Variants in NOSIP observed in about 807,000 individuals in gnomAD.
NOSIP encodes nitric oxide synthase interacting protein, also known as nitric oxide synthase-interacting protein.
A neutral mutation model predicts 36.4 loss-of-function variants in NOSIP; 25 were observed. The observed-to-expected ratio is 0.69, with a 90% CI of 0.50 to 0.96. NOSIP has a LOEUF of 0.96. Ranked by LOEUF, NOSIP falls within the 40% of genes least tolerant of loss-of-function variation. NOSIP has a pLI of 0.00. For synonymous variants in NOSIP, 187 were observed against 179.2 expected, an observed-to-expected ratio of 1.04 and a Z score of -0.35; for missense variants, 370 against 429.0, an observed-to-expected ratio of 0.86 and a Z score of 1.21.
At chr19:49,557,908 C>T (rs977225833) in intron 4 of NOSIP, 1 of 987,462 alleles carries the variant, frequency 1.0e-6, no homozygotes, top group Non-Finnish European at 1.2e-6. Flanking sequence ...GACATGACCA[C>T]CAGGCTGTGT....
At chr19:49,556,144 G>GGGGA (rs1179997361) in intron 8 of NOSIP, among the ~76,000 whole-genome samples, 173 bp downstream of exon 8, 1 of 62,892 alleles carries the variant, frequency 1.6e-5, no homozygotes, top group Admixed American at 1.5e-4. Flanking sequence ...CGGAGGGGGG[G>GGGGA]AAGGGCGGGG....
intron 1 of NOSIP, among the ~76,000 whole-genome samples, chr19:49,572,406 CT>C (rs35209614): frequency 0.054 from 5,259 of 97,916 alleles, 95 homozygotes; most frequent in African/African-American, 0.15. Context: ...TGCACCCAGC[CT>C]TTTTTTTTTT....
At chr19:49,556,470 T>C in intron 7 of NOSIP, 45 bp from the exon 8 acceptor site, 1 of 1,608,850 alleles carries the variant, frequency 6.2e-7, no homozygotes. Flanking sequence ...GGGGCCTTCC[T>C]GGGGACCTAC....
intron 1 of NOSIP, among the ~76,000 whole-genome samples, chr19:49,562,678 C>G (rs144210466): frequency 6.6e-6 from 1 of 152,060 alleles, no homozygotes; most frequent in Non-Finnish European, 1.5e-5. Context: ...ATCAAGAGAT[C>G]GAGACCATCC....
At chr19:49,557,422 G>C in intron 4 of NOSIP, 173 bp from the exon 5 acceptor site, 1 of 1,426,902 alleles carries the variant, frequency 7.0e-7, no homozygotes, top group Non-Finnish European at 9.1e-7. Flanking sequence ...GCGTTGTATA[G>C]CCAGACTGCC....
intron 1 of NOSIP, among the ~76,000 whole-genome samples, chr19:49,563,557 G>A (rs1007206961): frequency 2.0e-5 from 3 of 149,952 alleles, no homozygotes; most frequent in Admixed American, 6.7e-5. Flanking sequence ...GCAATGGCAC[G>A]ATCTCAGCTC....
intron 3 of NOSIP, 173 bp from the exon 4 acceptor site, chr19:49,559,151 G>T (rs2080297219): frequency 3.2e-6 from 2 of 631,660 alleles, no homozygotes; most frequent in Non-Finnish European, 5.7e-6. Flanking sequence ...TTACTGCAGT[G>T]AAAGGATGCA....
At position 49,559,914 on chromosome 19, in the gene NOSIP, C is replaced by T. The variant is rs946113181; in HGVS notation, c.176+20G>A. 1.3e-6 allele frequency: 2 copies of T among 1,584,266 alleles called. No homozygotes were observed. Among genetic ancestry groups the T allele is most frequent in the African/African-American group, 1.3e-5 (1 of 74,172 alleles). ...CTTGCTCTCCCCACCCAGACCTACC[C>T]ATCCCTGTTCCCAGCTCACGTGACA... On this transcript the variant is annotated intron_variant, in intron 3 of 8. Coordinates refer to ENST00000596358, the MANE Select transcript of NOSIP (RefSeq NM_001270960.2).
intron 1 of NOSIP, among the ~76,000 whole-genome samples, chr19:49,580,088 TA>T (rs1239670735): frequency 1.3e-5 from 2 of 150,382 alleles, no homozygotes; most frequent in Non-Finnish European, 3.0e-5. Context: ...CACAATCTAG[TA>T]TCGCCCGCCG....
At chr19:49,563,850 A>G in intron 1 of NOSIP, among the ~76,000 whole-genome samples, 1 of 152,168 alleles carries the variant, frequency 6.6e-6, no homozygotes, top group East Asian at 1.9e-4. Context: ...GAAATAAAAA[A>G]TATGGATAGG....
At chr19:49,559,834 T>C in intron 3 of NOSIP, 100 bp downstream of exon 3, 1 of 778,654 alleles carries the variant, frequency 1.3e-6, no homozygotes, top group Non-Finnish European at 2.3e-6. Context: ...CATCCAGGGT[T>C]CCCTGGCTGT....
intron 1 of NOSIP, among the ~76,000 whole-genome samples, chr19:49,575,635 G>A (rs1327896120): frequency 6.6e-6 from 1 of 152,132 alleles, no homozygotes; most frequent in Non-Finnish European, 1.5e-5. Context: ...AAGGGCCAGA[G>A]AGTAAATGTT....
At chr19:49,559,731 T>C (rs2080305831) in intron 3 of NOSIP, 4 of 593,614 alleles carry the variant, frequency 6.7e-6, no homozygotes, top group Non-Finnish European at 1.2e-5. Flanking sequence ...ATTAGAAGTA[T>C]GTTCCTTTCC....
In NOSIP at chr19:49,560,013, T is replaced by C. The variant is rs1009398687; in HGVS notation, c.97A>G (p.Ile33Val). The change falls in exon 3 of 9, where the codon ATT (isoleucine) becomes GTT (valine). Residue 33 changes from isoleucine (I) to valine (V), a missense_variant. Physicochemically the swap from Ile to Val is conservative, Grantham distance 29. Coordinates refer to ENST00000596358, the MANE Select transcript of NOSIP (RefSeq NM_001270960.2). This position sits in a 1 kb window ranked among gnomAD's most constrained non-coding sequence, Gnocchi z 4.6. ...TTCACGGCATCCCGGCTCAGTCGAA[T>C]GTTCTGGGTCCCATAGCCCGAGGCC... ...TAASGYGTQN[I>V]RLSRDAVKDF... 8 of 1,613,682 alleles carry C rather than the reference T, an allele frequency of 5.0e-6. No individual in the cohort carries two copies. Among genetic ancestry groups the C allele is most frequent in the Admixed American group, 1.7e-5 (1 of 59,966 alleles).
chr19:49,558,782 G>T (rs771615227), intron 4 of NOSIP, 115 bp downstream of exon 4: 105 of 858,244 alleles, frequency 1.2e-4, no homozygotes, highest in Non-Finnish European at 1.8e-4. Context: ...CAGGGGAGGG[G>T]AATGGTGTAC....
chr19:49,565,763 A>G (rs1402458601), intron 1 of NOSIP, among the ~76,000 whole-genome samples: 3 of 137,158 alleles, frequency 2.2e-5, no homozygotes, highest in Non-Finnish European at 4.5e-5. Context: ...GTCTCAAAAG[A>G]AAAAAAAAAG....
chr19:49,557,202 A>G lies in NOSIP; in HGVS notation c.306T>C (p.Leu102=), dbSNP rs760725593. ...CATGGTCCTGCGAGGCCGCCCGCTG[A>G]AGCTCCTTCTGCTCCTCGCGCCGGG... ...RGTRREEQKE[L]QRAASQDHVR... The change falls in exon 5 of 9, where the codon CTT becomes CTC. Residue 102 remains leucine (L), a synonymous_variant. Transcript: ENST00000596358. 29 of 1,604,762 alleles carry G rather than the reference A, an allele frequency of 1.8e-5. No individual in the cohort carries two copies. The highest frequency in any genetic ancestry group is 1.3e-5 in the African/African-American group (1 of 74,850).
intron 1 of NOSIP, among the ~76,000 whole-genome samples, chr19:49,569,176 A>G (rs995819998): frequency 1.3e-5 from 2 of 150,906 alleles, no homozygotes; most frequent in East Asian, 2.0e-4. Flanking sequence ...AGGCACAGGA[A>G]ATCTACTGTG....
chr19:49,563,639 G>A (rs1472341204), intron 1 of NOSIP, among the ~76,000 whole-genome samples: 1 of 151,918 alleles, frequency 6.6e-6, no homozygotes, highest in Non-Finnish European at 1.5e-5. Flanking sequence ...GATTACAGGT[G>A]CATGCCACCA....
Sources: gnomAD v4.1 joint callset for allele counts (sites outside exome capture counted in the v4.1 genomes callset) on GRCh38, gnomAD v4.1.1 for gene constraint, Gnocchi (gnomAD v3.1) non-coding constraint, MANE v1.5 for transcripts, NCBI Gene and HGNC (gene_info 2026-07-23, HGNC 2026-07-21) for gene names.